The following TEKT5 variants were observed in gnomAD, a reference collection of about 807,000 sequenced individuals.
The protein encoded by TEKT5 is tektin-5.
Under a neutral mutation model 48.7 loss-of-function variants are expected in TEKT5, and 52 were observed. The observed-to-expected ratio is 1.07, with a 90% CI of 0.86 to 1.35. The LOEUF (loss-of-function observed/expected upper bound fraction) is 1.35. Among genes scored for constraint, TEKT5 ranks in the 40% most tolerant of loss-of-function variants. The probability of loss-of-function intolerance (pLI) is 0.00; values close to 1 mark genes in which losing one functional copy is unlikely to be tolerated. For missense variants in TEKT5, 831 were observed against 641.6 expected, an observed-to-expected ratio of 1.30 and a Z score of -3.19; for synonymous variants, 318 against 267.6, an observed-to-expected ratio of 1.19 and a Z score of -1.84.
chr16:10,676,324 C>T (rs1469718299), intron 4 of TEKT5, 143 bp from the exon 5 acceptor site: 10 of 795,972 alleles, frequency 1.3e-5, no homozygotes, highest in Middle Eastern at 3.4e-4. Context: ...TAAGCAGCAT[C>T]CCTGGCCTCT....
intron 3 of TEKT5, among the ~76,000 whole-genome samples, chr16:10,687,738 A>G (rs2430646): frequency 0.023 from 3,455 of 152,388 alleles, 147 homozygotes; most frequent in East Asian, 0.17. Flanking sequence ...GGGCAGCAGA[A>G]TGAGACTTCG....
intron 4 of TEKT5, among the ~76,000 whole-genome samples, chr16:10,678,439 T>G (rs1898687667): frequency 6.6e-6 from 1 of 152,142 alleles, no homozygotes; most frequent in Non-Finnish European, 1.5e-5. Flanking sequence ...GCATGGTGCA[T>G]AGAAAGTTTT....
chr16:10,661,574 G>A (rs921346410), intron 5 of TEKT5, among the ~76,000 whole-genome samples: 16 of 152,252 alleles, frequency 1.1e-4, no homozygotes, highest in Non-Finnish European at 1.8e-4. Flanking sequence ...CAAGCTGAGA[G>A]ACAGGAGGAC....
chr16:10,687,840 C>G (rs1046508300), intron 3 of TEKT5, among the ~76,000 whole-genome samples: 41 of 152,156 alleles, frequency 2.7e-4, no homozygotes, highest in African/African-American at 8.9e-4. Flanking sequence ...ATTTTTTAAG[C>G]CTTTAAGGGT....
chr16:10,665,475 C>G (rs914549688), intron 5 of TEKT5, among the ~76,000 whole-genome samples: 1 of 152,162 alleles, frequency 6.6e-6, no homozygotes, highest in Non-Finnish European at 1.5e-5. Context: ...TTGTGCTGCC[C>G]TCTCCCGTGT....
chr16:10,635,492 T>A (rs1897899650), intron 6 of TEKT5, among the ~76,000 whole-genome samples: 1 of 151,872 alleles, frequency 6.6e-6, no homozygotes, highest in South Asian at 2.1e-4. Flanking sequence ...CACAACAGAG[T>A]TACAAAACCA....
intron 5 of TEKT5, among the ~76,000 whole-genome samples, chr16:10,653,913 C>CAAAACA (rs200359471): frequency 8.5e-5 from 13 of 152,090 alleles, no homozygotes; most frequent in East Asian, 1.9e-4. Flanking sequence ...AACTCTGTCT[C>CAAAACA]AAAACAAAAA....
At chr16:10,688,386 G>A (rs893633063) in intron 3 of TEKT5, among the ~76,000 whole-genome samples, 23 of 152,168 alleles carry the variant, frequency 1.5e-4, no homozygotes, top group African/African-American at 5.3e-4. Context: ...TGGGTTCTGG[G>A]GCACAGCAAA....
intron 5 of TEKT5, among the ~76,000 whole-genome samples, chr16:10,643,229 A>G (rs1365797813): frequency 6.6e-6 from 1 of 151,414 alleles, no homozygotes; most frequent in African/African-American, 2.4e-5. Context: ...AAAAAAAAAA[A>G]TTTTCTGGGC....
intron 5 of TEKT5, among the ~76,000 whole-genome samples, chr16:10,665,258 T>C (rs1462448403): frequency 2.6e-5 from 4 of 152,144 alleles, no homozygotes; most frequent in Non-Finnish European, 5.9e-5. Context: ...ACCCGGGAGA[T>C]GACACCGCAA....
Position 10,676,690 on chromosome 16 carries a change from T to C in TEKT5, c.864-509A>G, listed in dbSNP as rs76401896. Among the ~76,000 whole-genome samples the C allele has an allele frequency of 3.3e-5, 5 of 152,316 alleles. No homozygotes were observed. In the East Asian group the frequency reaches 9.7e-4, roughly 29 times the overall value. On this transcript the variant is annotated intron_variant, in intron 4 of 6. Coordinates refer to ENST00000283025, the MANE Select transcript of TEKT5 (RefSeq NM_144674.2). ...ACCCCCTAACTCTGCGATGGGAATGTGGCCACGCTACTTTCACTGCCATTC... is the reference window on the plus strand; with the variant it reads ...ACCCCCTAACTCTGCGATGGGAATGCGGCCACGCTACTTTCACTGCCATTC...
intron 4 of TEKT5, 48 bp downstream of exon 4, chr16:10,681,945 A>T: frequency 6.3e-7 from 1 of 1,595,024 alleles, no homozygotes; most frequent in Non-Finnish European, 8.6e-7. Flanking sequence ...AGAAGCCCTC[A>T]CTCCAGTTGG....
chr16:10,666,989 T>G (rs1425137511), intron 5 of TEKT5, among the ~76,000 whole-genome samples: 1 of 147,616 alleles, frequency 6.8e-6, no homozygotes, highest in African/African-American at 2.5e-5. Flanking sequence ...TTTTTTTTTT[T>G]TTTTTTTTTT....
Position 10,642,960 on chromosome 16 carries a change from T to C in TEKT5, c.1087-7042A>G, listed in dbSNP as rs188788739. 3.3e-5 allele frequency among the ~76,000 whole-genome samples: 5 copies of C among 152,270 alleles called. No individual in the cohort carries two copies. In the East Asian group the frequency reaches 9.7e-4, roughly 29 times the overall value. The stretch of plus-strand genomic sequence containing the variant: ...GACTGAAACATAAGTTCCAAATAGC[T>C]AGAAGGCGGATAGTGGATGTTCCCA... On this transcript the variant is annotated intron_variant, in intron 5 of 6. Transcript: ENST00000283025.
chr16:10,650,293 G>A (rs1463914426), intron 5 of TEKT5, among the ~76,000 whole-genome samples: 1 of 151,772 alleles, frequency 6.6e-6, no homozygotes, highest in Non-Finnish European at 1.5e-5. Flanking sequence ...TGGAGACAGG[G>A]TTTCACCATG....
intron 4 of TEKT5, among the ~76,000 whole-genome samples, chr16:10,681,042 C>A (rs1457606952): frequency 1.1e-4 from 14 of 125,202 alleles, no homozygotes; most frequent in South Asian, 2.6e-4. Context: ...AGAAAAATAC[C>A]AAAAAAAAAA....
chr16:10,655,098 T>C (rs1334228602), intron 5 of TEKT5, among the ~76,000 whole-genome samples: 1 of 152,088 alleles, frequency 6.6e-6, no homozygotes, highest in Admixed American at 6.6e-5. Context: ...GACTTATTGC[T>C]GGAGAAAAAA....
intron 6 of TEKT5, among the ~76,000 whole-genome samples, chr16:10,632,913 C>T (rs1897859114): frequency 1.3e-5 from 2 of 150,724 alleles, no homozygotes; most frequent in Admixed American, 6.6e-5. Context: ...CACACACACA[C>T]GGCCCGGCTC....
intron 4 of TEKT5, 131 bp downstream of exon 4, chr16:10,681,862 G>C: frequency 8.0e-7 from 1 of 1,242,326 alleles, no homozygotes; most frequent in Non-Finnish European, 1.1e-6. Context: ...CTGCGCTAGA[G>C]GATCCCCGTT....
Sources: allele counts gnomAD v4.1 joint callset (sites outside exome capture counted in the v4.1 genomes callset), GRCh38; gene constraint gnomAD v4.1.1; transcripts MANE v1.5; gene names NCBI Gene and HGNC (gene_info 2026-07-23, HGNC 2026-07-21).